Variants in KCTD8 observed in about 807,000 individuals in gnomAD.
KCTD8 encodes potassium channel tetramerization domain containing 8.
Under a neutral mutation model 31.5 loss-of-function variants are expected in KCTD8, and 27 were observed. That is an observed-to-expected ratio of 0.86 (90% CI 0.63 to 1.18). The LOEUF (loss-of-function observed/expected upper bound fraction) is 1.18, where lower values mean the gene tolerates loss of function less well. Ranked by LOEUF, KCTD8 falls within the 50% of genes most tolerant of loss-of-function variation. The pLI, the probability that KCTD8 is intolerant of heterozygous loss-of-function variation, is 0.00. For synonymous variants in KCTD8, 290 were observed against 280.0 expected (o/e 1.04, Z -0.36); for missense variants, 658 against 647.7 (o/e 1.02, Z -0.17).
In KCTD8 at chr4:44,281,071, A is replaced by T. The variant is rs566433024; in HGVS notation, c.962-105821T>A. On this transcript the variant is annotated intron_variant, in intron 1 of 1. Coordinates refer to ENST00000360029, the MANE Select transcript of KCTD8 (RefSeq NM_198353.3). The stretch of plus-strand genomic sequence containing the variant: ...TTTAAAAATGAGTAAGTTGAGGACA[A>T]GAGAAGTGAAGGAATTTGCTGAAAG... Among the ~76,000 whole-genome samples, 10 of 152,058 alleles carry T rather than the reference A, an allele frequency of 6.6e-5. No homozygotes were observed. The Middle Eastern group carries it at 0.014, about 207-fold the overall frequency.
chr4:44,395,051 C>T (rs554426448), intron 1 of KCTD8, among the ~76,000 whole-genome samples: 77 of 152,182 alleles, frequency 5.1e-4, no homozygotes, highest in African/African-American at 1.8e-3. Context: ...CTCTAGATTT[C>T]CCTTTGTAAT....
At chr4:44,255,618 C>G (rs1715967922) in intron 1 of KCTD8, among the ~76,000 whole-genome samples, 1 of 151,706 alleles carries the variant, frequency 6.6e-6, no homozygotes, top group Admixed American at 6.6e-5. Flanking sequence ...GTTTAGAGCT[C>G]TTTTTAAGAA....
At chr4:44,334,367 G>A (rs955225026) in intron 1 of KCTD8, among the ~76,000 whole-genome samples, 2 of 151,908 alleles carry the variant, frequency 1.3e-5, no homozygotes, top group Non-Finnish European at 2.9e-5. Context: ...GATACATCAT[G>A]ATGAAGGAAG....
intron 1 of KCTD8, among the ~76,000 whole-genome samples, chr4:44,444,306 A>T (rs1041819603): frequency 6.6e-6 from 1 of 152,226 alleles, no homozygotes; most frequent in Non-Finnish European, 1.5e-5. Context: ...AGAAAAACCA[A>T]TTGGAATATG....
At chr4:44,265,411 A>G (rs1716315380) in intron 1 of KCTD8, among the ~76,000 whole-genome samples, 1 of 152,156 alleles carries the variant, frequency 6.6e-6, no homozygotes, top group African/African-American at 2.4e-5. Flanking sequence ...ATCATCAAAG[A>G]CCAAAAGTAG....
At chr4:44,378,212 A>G (rs1719965592) in intron 1 of KCTD8, among the ~76,000 whole-genome samples, 1 of 142,544 alleles carries the variant, frequency 7.0e-6, no homozygotes, top group South Asian at 2.2e-4. Context: ...ATATATATGT[A>G]TGTATATTTT....
chr4:44,178,870 G>A (rs1283238526), intron 1 of KCTD8, among the ~76,000 whole-genome samples: 1 of 152,142 alleles, frequency 6.6e-6, no homozygotes, highest in Non-Finnish European at 1.5e-5. Context: ...AGAAGATTAA[G>A]GAAGCCCTCT....
rs74552004 is a variant in KCTD8 at position 44,363,542 on chromosome 4, G to C, written c.961+84021C>G. On this transcript the variant is annotated intron_variant, in intron 1 of 1. Transcript: ENST00000360029. ...ACCAAGAAAGAGAGGGGAGATGTTA[G>C]AAAATAGAATTTCTCCTCTAGGCAC... Among the ~76,000 whole-genome samples, 1,277 of 152,230 alleles carry C rather than the reference G, an allele frequency of 8.4e-3. 11 individuals carry two copies. Among genetic ancestry groups the C allele is most frequent in the Non-Finnish European group, 0.014 (946 of 67,962 alleles).
chr4:44,174,221 A>AC lies in KCTD8; in HGVS notation c.*568_*569insG, dbSNP rs1553890456. On this transcript the variant is annotated 3_prime_UTR_variant, in exon 2 of 2. Coordinates refer to ENST00000360029, the MANE Select transcript of KCTD8 (RefSeq NM_198353.3). ...TACATTTATAGGCTTTGTCTAAAAC[A>AC]TTTTTTTTTGCTTTTTTTTGTAATT... 6.7e-6 allele frequency: 1 copy of AC among 149,680 alleles called. No individual in the cohort carries two copies. Among genetic ancestry groups the AC allele is most frequent in the Non-Finnish European group, 1.5e-5 (1 of 67,640 alleles). The allele number at this position is 149,680 out of a possible 1,614,324, so 9.3% of individuals were successfully genotyped here.
chr4:44,266,567 C>A (rs1289136691), intron 1 of KCTD8, among the ~76,000 whole-genome samples: 6 of 151,570 alleles, frequency 4.0e-5, no homozygotes, highest in Non-Finnish European at 8.9e-5. Context: ...TGTAAATGGA[C>A]TAAATGCTCC....
intron 1 of KCTD8, among the ~76,000 whole-genome samples, chr4:44,265,437 TG>T (rs1036169894): frequency 6.6e-6 from 1 of 151,628 alleles, no homozygotes; most frequent in Non-Finnish European, 1.5e-5. Context: ...ACCACAAAGA[TG>T]GGGAAAAAAC....
intron 1 of KCTD8, among the ~76,000 whole-genome samples, chr4:44,311,154 C>G (rs1232715219): frequency 6.6e-6 from 1 of 151,998 alleles, no homozygotes; most frequent in African/African-American, 2.4e-5. Flanking sequence ...AAAACACAAA[C>G]AGCTTTTAGA....
At chr4:44,211,744 T>C (rs1714490569) in intron 1 of KCTD8, among the ~76,000 whole-genome samples, 1 of 152,160 alleles carries the variant, frequency 6.6e-6, no homozygotes, top group South Asian at 2.1e-4. Flanking sequence ...CTTTGTTAAT[T>C]AATTTTTTGT....
intron 1 of KCTD8, among the ~76,000 whole-genome samples, chr4:44,208,308 G>A (rs1239784420): frequency 2.6e-5 from 4 of 152,094 alleles, no homozygotes; most frequent in Admixed American, 2.0e-4. Context: ...TCTAACATCT[G>A]CCCCTGTGTA....
chr4:44,351,997 T>C (rs923588735), intron 1 of KCTD8, among the ~76,000 whole-genome samples: 7 of 152,054 alleles, frequency 4.6e-5, no homozygotes, highest in African/African-American at 1.7e-4. Flanking sequence ...TGGTAATGAA[T>C]ATTTGACAGG....
At chr4:44,393,398 A>G (rs1487268747) in intron 1 of KCTD8, among the ~76,000 whole-genome samples, 1 of 152,004 alleles carries the variant, frequency 6.6e-6, no homozygotes, top group Non-Finnish European at 1.5e-5. Flanking sequence ...CATAACAGTT[A>G]TTCTCACACT....
chr4:44,303,484 T>C (rs957084223), intron 1 of KCTD8, among the ~76,000 whole-genome samples: 2 of 152,102 alleles, frequency 1.3e-5, no homozygotes, highest in African/African-American at 4.8e-5. Context: ...CCATTTCTTC[T>C]AGATTTTCTA....
At chr4:44,269,634 C>G (rs1156757567) in intron 1 of KCTD8, among the ~76,000 whole-genome samples, 2 of 152,104 alleles carry the variant, frequency 1.3e-5, no homozygotes, top group Non-Finnish European at 2.9e-5. Context: ...TTTTCGCAAC[C>G]TACTCATCTG....
At chr4:44,337,722 T>C (rs1361148735) in intron 1 of KCTD8, among the ~76,000 whole-genome samples, 1 of 150,994 alleles carries the variant, frequency 6.6e-6, no homozygotes, top group Middle Eastern at 3.2e-3. Flanking sequence ...TAGTCATTAA[T>C]TGATGCTTCA....
Sources: allele counts gnomAD v4.1 joint callset (sites outside exome capture counted in the v4.1 genomes callset), GRCh38; gene constraint gnomAD v4.1.1; transcripts MANE v1.5; gene names NCBI Gene and HGNC (gene_info 2026-07-23, HGNC 2026-07-21).